STK32B: variants seen among roughly 807,000 people sequenced by gnomAD.
STK32B encodes serine/threonine kinase 32B.
A neutral mutation model predicts 52.6 loss-of-function variants in STK32B; 43 were observed. The ratio of observed to expected loss-of-function variants is 0.82; its 90% confidence interval spans 0.64 to 1.05. The LOEUF is 1.05. STK32B is among the 50% of genes least tolerant of loss of function. The pLI, the probability that STK32B is intolerant of heterozygous loss-of-function variation, is 0.00. For synonymous variants in STK32B, 238 were observed against 204.3 expected (o/e 1.17, Z -1.41); for missense variants, 621 against 534.6 (o/e 1.16, Z -1.59).
chr4:5,317,511 T>C, intron 3 of STK32B, among the ~76,000 whole-genome samples: 1 of 91,636 alleles, frequency 1.1e-5, no homozygotes. Context: ...TATATATGTA[T>C]AATATATTTA....
At chr4:5,482,021 T>A (rs1718757834) in intron 11 of STK32B, among the ~76,000 whole-genome samples, 1 of 152,232 alleles carries the variant, frequency 6.6e-6, no homozygotes, top group African/African-American at 2.4e-5. Context: ...GGTAGTGTGA[T>A]GCCTCCAGCT....
intron 3 of STK32B, among the ~76,000 whole-genome samples, chr4:5,205,295 A>G (rs958265959): frequency 6.6e-6 from 1 of 152,178 alleles, no homozygotes; most frequent in African/African-American, 2.4e-5. Flanking sequence ...CTTGCAGATG[A>G]CAATGGTGGG....
At chr4:5,213,420 G>C (rs1306850358) in intron 3 of STK32B, among the ~76,000 whole-genome samples, 1 of 152,196 alleles carries the variant, frequency 6.6e-6, no homozygotes, top group Non-Finnish European at 1.5e-5. Context: ...ATGAAATCCA[G>C]ATTCCTTTCT....
chr4:5,430,162 A>T (rs12696684), intron 6 of STK32B, among the ~76,000 whole-genome samples: 23,787 of 151,964 alleles, frequency 0.16, 2,589 homozygotes, highest in East Asian at 0.41. Flanking sequence ...TATCTCTGCA[A>T]ATATATATAT....
At chr4:5,116,819 A>G (rs760857719) in intron 1 of STK32B, among the ~76,000 whole-genome samples, 5 of 150,288 alleles carry the variant, frequency 3.3e-5, no homozygotes, top group Admixed American at 1.3e-4. Context: ...AATTCCTTTC[A>G]TCAATGACTT....
chr4:5,076,417 G>A (rs1413709341), intron 1 of STK32B, among the ~76,000 whole-genome samples: 1 of 152,064 alleles, frequency 6.6e-6, no homozygotes, highest in Non-Finnish European at 1.5e-5. Context: ...AATTGACCAT[G>A]TTTGCTTATA....
At chr4:5,103,139 G>T (rs987470940) in intron 1 of STK32B, among the ~76,000 whole-genome samples, 3 of 151,316 alleles carry the variant, frequency 2.0e-5, no homozygotes, top group Admixed American at 6.6e-5. Context: ...TGGATTTGGG[G>T]ATCCATGAAT....
chr4:5,218,363 G>T (rs1484887638), intron 3 of STK32B, among the ~76,000 whole-genome samples: 2 of 152,172 alleles, frequency 1.3e-5, no homozygotes. Flanking sequence ...TTTCTGTGAT[G>T]GTGCAGGAAA....
rs775992699 is a variant in STK32B at position 5,378,228 on chromosome 4, C to T, written c.435-19979C>T. Among the ~76,000 whole-genome samples the T allele has an allele frequency of 2.6e-5, 4 of 152,040 alleles. No individual in the cohort carries two copies. Among genetic ancestry groups the T allele is most frequent in the Non-Finnish European group, 5.9e-5 (4 of 68,014 alleles). On this transcript the variant is annotated intron_variant, in intron 4 of 11. Transcript: ENST00000282908. The surrounding 1 kb of genome is among the most constrained non-coding windows in gnomAD (Gnocchi z 4.4). ...CAGCAGGCACTTTATGAAAGACAGA[C>T]GTTAGAGGGGAGGGAAGACAGGCAA...
intron 3 of STK32B, among the ~76,000 whole-genome samples, chr4:5,314,626 C>A (rs1026272230): frequency 4.6e-5 from 7 of 152,234 alleles, no homozygotes; most frequent in African/African-American, 1.7e-4. Context: ...GCCGAAATCA[C>A]GCCATTGCAC....
intron 3 of STK32B, among the ~76,000 whole-genome samples, chr4:5,321,059 C>T (rs7688953): frequency 0.029 from 4,374 of 152,080 alleles, 190 homozygotes; most frequent in African/African-American, 0.095. Context: ...TACAAAAGGG[C>T]TTTGAAGATG....
rs1197286441 is a variant in STK32B at position 5,380,644 on chromosome 4, G to T, written c.435-17563G>T. ...TTACCAGGGTGGCTGGTGGCACAAG[G>T]CCCCACATGAAGGAGGGTCCGTGTT... On this transcript the variant is annotated intron_variant, in intron 4 of 11. Transcript: ENST00000282908. This position sits in a 1 kb window ranked among gnomAD's most constrained non-coding sequence, Gnocchi z 4.3. 6.6e-6 allele frequency among the ~76,000 whole-genome samples: 1 copy of T among 152,128 alleles called. No individual in the cohort carries two copies. The highest frequency in any genetic ancestry group is 1.9e-4 in the East Asian group (1 of 5,184).
intron 6 of STK32B, among the ~76,000 whole-genome samples, chr4:5,431,178 A>G (rs1389107381): frequency 2.6e-5 from 4 of 152,270 alleles, no homozygotes; most frequent in African/African-American, 9.6e-5. Flanking sequence ...TGGAACCAAA[A>G]GAAAACTAGT....
rs1732241175 is a variant in STK32B, at chr4:5,331,391, CAG to C, written c.433_434del (p.Asp146HisfsTer10). 1.2e-5 allele frequency: 19 copies of C among 1,609,140 alleles called. No individual in the cohort carries two copies. Among genetic ancestry groups the C allele is most frequent in the Non-Finnish European group, 1.6e-5 (19 of 1,177,076 alleles). ...EYLQRYHIIH[R>X]DIKPDNILLD... ...ATCTTCAGAGGTACCACATCATCCA[CAG>C]GTAACTGGGCTGCTGGCGGGATGCC... On this transcript the variant is annotated frameshift_variant and splice_region_variant, in exon 4 of 12. Transcript: ENST00000282908. LOFTEE classifies it high-confidence loss of function.
chr4:5,222,554 C>A (rs143997736), intron 3 of STK32B, among the ~76,000 whole-genome samples: 11 of 152,222 alleles, frequency 7.2e-5, no homozygotes, highest in Middle Eastern at 6.8e-3. Context: ...GGAAAGACAA[C>A]GTTTGTTACA....
chr4:5,061,117 A>G (rs145390060), intron 1 of STK32B, among the ~76,000 whole-genome samples: 2 of 152,334 alleles, frequency 1.3e-5, no homozygotes, highest in Non-Finnish European at 1.5e-5. Context: ...TATCAAACTC[A>G]AATTGCAAAA....
chr4:5,262,476 T>A (rs1221299710), intron 3 of STK32B, among the ~76,000 whole-genome samples: 1 of 144,716 alleles, frequency 6.9e-6, no homozygotes, highest in Non-Finnish European at 1.5e-5. Context: ...AAAAAAAAAA[T>A]TAGCCGGCCG....
rs182885409 is a variant in STK32B at position 5,475,641 on chromosome 4, C to G, written c.1106+7571C>G. Among the ~76,000 whole-genome samples, 780 of 142,370 alleles carry G rather than the reference C, an allele frequency of 5.5e-3. 8 individuals carry two copies. Among genetic ancestry groups the G allele is most frequent in the African/African-American group, 0.019 (744 of 38,374 alleles). 93.4% of individuals were successfully genotyped at this position (142,370 alleles called of 152,430 possible). ...TGAACCTGGAAAGCAGAGGTTGCAG[C>G]GAGCCAAGATCACGCCACTGCACTC... On this transcript the variant is annotated intron_variant, in intron 11 of 11. Transcript: ENST00000282908.
chr4:5,374,411 A>G (rs113952977), intron 4 of STK32B, among the ~76,000 whole-genome samples: 11,449 of 152,316 alleles, frequency 0.075, 569 homozygotes, highest in Middle Eastern at 0.14. Flanking sequence ...TTAAAGAGGA[A>G]AGAGTTTGTC....
Sources: gnomAD v4.1 joint callset for allele counts (sites outside exome capture counted in the v4.1 genomes callset) on GRCh38, gnomAD v4.1.1 for gene constraint, Gnocchi (gnomAD v3.1) non-coding constraint, MANE v1.5 for transcripts, NCBI Gene and HGNC (gene_info 2026-07-23, HGNC 2026-07-21) for gene names.